The following TMEM33 variants were observed in gnomAD, a reference collection of about 807,000 sequenced individuals.
TMEM33 encodes the protein transmembrane protein 33.
Under a neutral mutation model 29.7 loss-of-function variants are expected in TMEM33, and 16 were observed. The observed-to-expected ratio is 0.54, with a 90% confidence interval of 0.36 to 0.82. The LOEUF is 0.82. TMEM33 is among the 40% of genes least tolerant of loss of function. The pLI is 0.00. For synonymous variants in TMEM33, 112 were observed against 109.4 expected, an observed-to-expected ratio of 1.02 and a Z score of -0.15; for missense variants, 252 against 295.3, an observed-to-expected ratio of 0.85 and a Z score of 1.08.
chr4:41,943,341 A>G (rs991782616), intron 3 of TMEM33, among the ~76,000 whole-genome samples: 1 of 152,178 alleles, frequency 6.6e-6, no homozygotes, highest in African/African-American at 2.4e-5. Flanking sequence ...CCTGGCCAAC[A>G]TGGTGAAAAC....
chr4:41,953,854 C>A, intron 6 of TMEM33: 1 of 585,546 alleles, frequency 1.7e-6, no homozygotes, highest in Non-Finnish European at 3.2e-6. Context: ...ATAATGAAAA[C>A]ATTTGAAATA....
intron 5 of TMEM33, among the ~76,000 whole-genome samples, chr4:41,946,078 T>G (rs1394041267): frequency 2.9e-5 from 4 of 138,654 alleles, no homozygotes; most frequent in Admixed American, 2.2e-4. Flanking sequence ...TCCAGTTCTG[T>G]TTTTTTTTTT....
rs1018895417 is a variant in TMEM33 at position 41,959,708 on chromosome 4, T to A, written c.*5509T>A. Reference sequence around the variant, plus strand: ...TTTGACATTAATTTTTGCCTACATATATATTTTTAAGTTGAGACCAAATCG... The same window carrying A: ...TTTGACATTAATTTTTGCCTACATAAATATTTTTAAGTTGAGACCAAATCG... On this transcript the variant is annotated 3_prime_UTR_variant, in exon 7 of 7. Transcript: ENST00000504986. The A allele has an allele frequency of 2.0e-5, 3 of 152,190 alleles. No individual in the cohort carries two copies. The highest frequency in any genetic ancestry group is 4.4e-5 in the Non-Finnish European group (3 of 68,022). 9.4% of individuals were successfully genotyped at this position (152,190 alleles called of 1,614,324 possible).
rs73153233 is a variant in TMEM33, at chr4:41,942,970, G to T, written c.329-777G>T. ...AAGTAATAAAAGATCTTTAGTCTTTGGGACTAAAAATTTGGGAATTACTCT... is the reference window on the plus strand; with the variant it reads ...AAGTAATAAAAGATCTTTAGTCTTTTGGACTAAAAATTTGGGAATTACTCT... On this transcript the variant is annotated intron_variant, in intron 3 of 6. Coordinates refer to ENST00000504986, the MANE Select transcript of TMEM33 (RefSeq NM_018126.3). Among the ~76,000 whole-genome samples the T allele has an allele frequency of 5.1e-3, 773 of 152,218 alleles. 10 individuals carry two copies. Among genetic ancestry groups the T allele is most frequent in the African/African-American group, 0.017 (712 of 41,542 alleles).
At chr4:41,953,129 G>C (rs1323485051) in intron 6 of TMEM33, among the ~76,000 whole-genome samples, 1 of 152,130 alleles carries the variant, frequency 6.6e-6, no homozygotes, top group Non-Finnish European at 1.5e-5. Flanking sequence ...AAAGATGTAG[G>C]TGTTGTTTGA....
chr4:41,952,920 T>C (rs930129526), intron 6 of TMEM33, among the ~76,000 whole-genome samples: 1 of 152,154 alleles, frequency 6.6e-6, no homozygotes, highest in Non-Finnish European at 1.5e-5. Flanking sequence ...ATGTTATATA[T>C]TTTAAAATAT....
In TMEM33 at chr4:41,938,157, C is replaced by G. The variant is rs542860589; in HGVS notation, c.46-445C>G. Among the ~76,000 whole-genome samples, 6 of 152,260 alleles carry G rather than the reference C, an allele frequency of 3.9e-5. No homozygotes were observed. In the South Asian group the frequency reaches 1.2e-3, roughly 32 times the overall value. On this transcript the variant is annotated intron_variant, in intron 1 of 6. Coordinates refer to ENST00000504986, the MANE Select transcript of TMEM33 (RefSeq NM_018126.3). ...TGTTTTACTCAGCTCTGAGACCTAC[C>G]TATTCGGATTTGAGATTTTTTGCTA...
At chr4:41,947,467 G>A (rs1038692913) in intron 5 of TMEM33, among the ~76,000 whole-genome samples, 6 of 152,078 alleles carry the variant, frequency 3.9e-5, no homozygotes, top group Non-Finnish European at 4.4e-5. Context: ...TTTTGACTGC[G>A]TTGGTACATT....
rs1221962966 is a variant in TMEM33, at chr4:41,957,515, A to G, written c.*3316A>G. 6.6e-6 allele frequency: 1 copy of G among 152,006 alleles called. No individual in the cohort carries two copies. Among genetic ancestry groups the G allele is most frequent in the Non-Finnish European group, 1.5e-5 (1 of 67,962 alleles). 9.4% of individuals were successfully genotyped at this position (152,006 alleles called of 1,614,324 possible). On this transcript the variant is annotated 3_prime_UTR_variant, in exon 7 of 7. Coordinates refer to ENST00000504986, the MANE Select transcript of TMEM33 (RefSeq NM_018126.3). ...GATCAAAACTTCAGGTTAGGTTTCTAAGTTTAGGACATGAATATTATTTTT... is the reference window on the plus strand; with the variant it reads ...GATCAAAACTTCAGGTTAGGTTTCTGAGTTTAGGACATGAATATTATTTTT...
At chr4:41,950,267 A>G (rs1223537524) in intron 6 of TMEM33, among the ~76,000 whole-genome samples, 1 of 152,192 alleles carries the variant, frequency 6.6e-6, no homozygotes, top group Non-Finnish European at 1.5e-5. Context: ...CTAAAATGAT[A>G]CTCAAATACT....
intron 3 of TMEM33, chr4:41,939,591 C>A: frequency 1.6e-6 from 1 of 619,432 alleles, no homozygotes; most frequent in East Asian, 3.1e-5. Flanking sequence ...TTTAAACTAT[C>A]TTTGTTCTTG....
intron 3 of TMEM33, among the ~76,000 whole-genome samples, chr4:41,940,584 C>T (rs1009884393): frequency 3.0e-4 from 45 of 151,794 alleles, no homozygotes; most frequent in African/African-American, 9.7e-4. Flanking sequence ...CTGAGGTGGG[C>T]GGATCATGAG....
rs777649576 is a variant in TMEM33, at chr4:41,944,892, T to G, written c.496T>G (p.Phe166Val). 18 of 1,613,388 alleles carry G rather than the reference T, an allele frequency of 1.1e-5. No homozygotes were observed. Among genetic ancestry groups the G allele is most frequent in the Middle Eastern group, 1.7e-4 (1 of 5,962 alleles). Residue 166 changes from phenylalanine (F) to valine (V), a missense_variant, in exon 5 of 7, where the codon TTC becomes GTC. Transcript: ENST00000504986. ...ILKFIACNEI[F>V]LMPATVFMLF... ...GAAATTCATTGCTTGCAATGAAATATTCCTGATGCCTGCGACAGTTTTTAT... is the reference window on the plus strand; with the variant it reads ...GAAATTCATTGCTTGCAATGAAATAGTCCTGATGCCTGCGACAGTTTTTAT...
intron 5 of TMEM33, among the ~76,000 whole-genome samples, chr4:41,946,645 C>T (rs1712802121): frequency 1.3e-5 from 2 of 152,100 alleles, no homozygotes; most frequent in South Asian, 4.1e-4. Flanking sequence ...TAAAAGCATC[C>T]TCTTATCCTA....
chr4:41,949,475 T>A, intron 6 of TMEM33, 90 bp downstream of exon 6: 1 of 1,037,262 alleles, frequency 9.6e-7, no homozygotes, highest in Non-Finnish European at 1.4e-6. Context: ...ACTTAGCTAA[T>A]GTGTTAGACT....
rs780551371 is a variant in TMEM33, at chr4:41,959,151, G to A, written c.*4952G>A. ...TGTAAATCTAGGAGTTATTTCCAGA[G>A]ATTGTTTTAAGGAGCAGTCTTATAT... On this transcript the variant is annotated 3_prime_UTR_variant, in exon 7 of 7. Coordinates refer to ENST00000504986, the MANE Select transcript of TMEM33 (RefSeq NM_018126.3). 16 of 152,154 alleles carry A rather than the reference G, an allele frequency of 1.1e-4. No homozygotes were observed. Among genetic ancestry groups the A allele is most frequent in the Non-Finnish European group, 1.5e-4 (10 of 68,012 alleles). 9.4% of individuals were successfully genotyped at this position (152,154 alleles called of 1,614,324 possible).
At chr4:41,948,788 C>T (rs1712905357) in intron 5 of TMEM33, among the ~76,000 whole-genome samples, 5 of 151,950 alleles carry the variant, frequency 3.3e-5, no homozygotes. Context: ...GGAAGAATTC[C>T]AGACCTGGTA....
At chr4:41,950,755 TTCTCTTGCCCTGACA>T (rs1713004576) in intron 6 of TMEM33, among the ~76,000 whole-genome samples, 1 of 152,198 alleles carries the variant, frequency 6.6e-6, no homozygotes, top group Non-Finnish European at 1.5e-5. Flanking sequence ...TTATCTTATA[TTCTCTTGCCCTGACA>T]TCTGTTATTT....
At position 41,949,467 on chromosome 4, in the gene TMEM33, T is replaced by G; in HGVS notation, c.614+82T>G. 7 of 1,135,112 alleles carry G rather than the reference T, an allele frequency of 6.2e-6. No individual in the cohort carries two copies. In the South Asian group the frequency reaches 1.0e-4, roughly 16 times the overall value. The allele number at this position is 1,135,112 out of a possible 1,614,324, so 70.3% of individuals were successfully genotyped here. ...AGTATTCGCAATTCTTAAGAGTTAC[T>G]TAGCTAATGTGTTAGACTTTAGAAG... On this transcript the variant is annotated intron_variant, in intron 6 of 6. Coordinates refer to ENST00000504986, the MANE Select transcript of TMEM33 (RefSeq NM_018126.3).
Sources: allele counts gnomAD v4.1 joint callset (sites outside exome capture counted in the v4.1 genomes callset), GRCh38; gene constraint gnomAD v4.1.1; transcripts MANE v1.5; gene names NCBI Gene and HGNC (gene_info 2026-07-23, HGNC 2026-07-21).